PRKD3: variants seen among roughly 807,000 people sequenced by gnomAD.
The protein encoded by PRKD3 is serine/threonine-protein kinase D3.
In PRKD3, 47 loss-of-function variants were observed where a neutral mutation model predicts 99.2. That is an observed-to-expected ratio of 0.47 (90% CI 0.38 to 0.60). PRKD3 has a LOEUF of 0.60. Ranked by LOEUF, PRKD3 falls within the 20% of genes least tolerant of loss-of-function variation. The probability of loss-of-function intolerance (pLI) is 0.00; values close to 1 mark genes in which losing one functional copy is unlikely to be tolerated. For missense variants in PRKD3, 1,019 were observed against 1,088.4 expected (o/e 0.94, Z 0.90); for synonymous variants, 392 against 355.4 (o/e 1.10, Z -1.16).
chr2:37,294,978 G>A (rs1670609780), intron 2 of PRKD3, among the ~76,000 whole-genome samples: 1 of 152,194 alleles, frequency 6.6e-6, no homozygotes, highest in South Asian at 2.1e-4. Flanking sequence ...GGGAGGCTGA[G>A]GCATAAGAAT....
Position 37,253,080 on chromosome 2 carries a change from T to C in PRKD3, c.*97A>G. Reference sequence around the variant, plus strand: ...TTCGTTATCATATTTCTTCATATCTTTGCAGCACTGCAGATGACAATCTAC... The same window carrying C: ...TTCGTTATCATATTTCTTCATATCTCTGCAGCACTGCAGATGACAATCTAC... On this transcript the variant is annotated 3_prime_UTR_variant, in exon 19 of 19. Transcript: ENST00000234179. The C allele has an allele frequency of 9.5e-6, 12 of 1,258,834 alleles. 1 individual carries two copies. Among genetic ancestry groups the C allele is most frequent in the Non-Finnish European group, 1.3e-5 (12 of 910,928 alleles). The allele number at this position is 1,258,834 out of a possible 1,614,324, so 78.0% of individuals were successfully genotyped here.
intron 12 of PRKD3, 33 bp from the exon 13 acceptor site, chr2:37,269,720 T>A: frequency 7.7e-6 from 11 of 1,424,120 alleles, no homozygotes; most frequent in South Asian, 2.3e-5. Flanking sequence ...TAGTATTATT[T>A]ATTTCTATAA....
chr2:37,272,576 C>T, intron 11 of PRKD3, 144 bp from the exon 12 acceptor site: 1 of 1,032,908 alleles, frequency 9.7e-7, no homozygotes, highest in Non-Finnish European at 1.3e-6. Context: ...TCTACACATA[C>T]AACCCATCAA....
At chr2:37,295,958 A>G (rs1380593868) in intron 2 of PRKD3, among the ~76,000 whole-genome samples, 1 of 152,250 alleles carries the variant, frequency 6.6e-6, no homozygotes, top group East Asian at 1.9e-4. Context: ...TATAGCAAGT[A>G]AATGGAAAAA....
intron 2 of PRKD3, among the ~76,000 whole-genome samples, chr2:37,310,918 C>T (rs766829803): frequency 2.0e-5 from 3 of 152,172 alleles, no homozygotes; most frequent in South Asian, 2.1e-4. Context: ...GGCAACTACA[C>T]GTCTGTCCAG....
chr2:37,292,532 C>T (rs1670481189), intron 3 of PRKD3, among the ~76,000 whole-genome samples: 1 of 151,974 alleles, frequency 6.6e-6, no homozygotes, highest in Non-Finnish European at 1.5e-5. Flanking sequence ...ATTTTTAGTA[C>T]AGACGGGGTT....
intron 2 of PRKD3, among the ~76,000 whole-genome samples, chr2:37,312,499 C>G (rs946276637): frequency 6.6e-6 from 1 of 152,178 alleles, no homozygotes; most frequent in Non-Finnish European, 1.5e-5. Context: ...CCTTCTTGTT[C>G]CAGCTCTTAT....
chr2:37,312,771 C>T (rs908158307), intron 2 of PRKD3, among the ~76,000 whole-genome samples: 7 of 152,130 alleles, frequency 4.6e-5, no homozygotes, highest in African/African-American at 1.4e-4. Flanking sequence ...AAAGTGTCTT[C>T]AAACAGAAAC....
At chr2:37,282,088 G>T (rs563764392) in intron 7 of PRKD3, among the ~76,000 whole-genome samples, 1 of 152,064 alleles carries the variant, frequency 6.6e-6, no homozygotes, top group Admixed American at 6.5e-5. Context: ...ATATTTCTGG[G>T]GCAAGTTATT....
rs370830640 is a variant in PRKD3, at chr2:37,264,746, GA to G, written c.1884+2683del. On this transcript the variant is annotated intron_variant, in intron 14 of 18. Transcript: ENST00000234179. Reference sequence around the variant, plus strand: ...AGTCAACATGGCTATTTTTGGGGGGGAAAAAAAAAGACTCAATTTGTTGTGT... The same window carrying G: ...AGTCAACATGGCTATTTTTGGGGGGGAAAAAAAAGACTCAATTTGTTGTGT... Among the ~76,000 whole-genome samples, 1,022 of 149,876 alleles carry G rather than the reference GA, an allele frequency of 6.8e-3. 10 individuals are homozygous for G. Among genetic ancestry groups the G allele is most frequent in the Middle Eastern group, 0.021 (6 of 290 alleles).
chr2:37,306,618 G>A (rs1671179944), intron 2 of PRKD3, among the ~76,000 whole-genome samples: 1 of 152,102 alleles, frequency 6.6e-6, no homozygotes, highest in Admixed American at 6.6e-5. Flanking sequence ...AGACCAGCCT[G>A]GGCAACATGG....
At chr2:37,291,838 G>C (rs1034457128) in intron 3 of PRKD3, among the ~76,000 whole-genome samples, 1 of 152,198 alleles carries the variant, frequency 6.6e-6, no homozygotes, top group African/African-American at 2.4e-5. Context: ...TGGCTGGCCA[G>C]CTTGCTTCCT....
At chr2:37,294,300 G>T (rs981278558) in intron 2 of PRKD3, among the ~76,000 whole-genome samples, 1 of 152,064 alleles carries the variant, frequency 6.6e-6, no homozygotes, top group African/African-American at 2.4e-5. Context: ...CTCGCTGTGT[G>T]GCCCAGGCTG....
chr2:37,271,311 C>A (rs1286057601), intron 12 of PRKD3, among the ~76,000 whole-genome samples: 1 of 152,022 alleles, frequency 6.6e-6, no homozygotes, highest in Non-Finnish European at 1.5e-5. Flanking sequence ...TGGCCCCGAT[C>A]TAAAAATGGT....
intron 12 of PRKD3, among the ~76,000 whole-genome samples, chr2:37,270,389 G>A (rs1174861788): frequency 6.7e-6 from 1 of 149,188 alleles, no homozygotes; most frequent in Non-Finnish European, 1.5e-5. Flanking sequence ...CATATTACTG[G>A]GATTAGCCTA....
chr2:37,315,130 C>T (rs1293452565), intron 2 of PRKD3, among the ~76,000 whole-genome samples: 1 of 152,110 alleles, frequency 6.6e-6, no homozygotes, highest in East Asian at 1.9e-4. Context: ...AGAAAGTTTA[C>T]AATTTGTTTG....
intron 2 of PRKD3, among the ~76,000 whole-genome samples, chr2:37,309,941 A>G (rs188968282): frequency 6.6e-6 from 1 of 152,108 alleles, no homozygotes; most frequent in Non-Finnish European, 1.5e-5. Context: ...TTTCACATGC[A>G]GCCCAAGAAC....
chr2:37,264,660 C>A (rs1668710545), intron 14 of PRKD3, among the ~76,000 whole-genome samples: 1 of 151,920 alleles, frequency 6.6e-6, no homozygotes, highest in Admixed American at 6.6e-5. Flanking sequence ...GCAGAGGAAA[C>A]AGCTAATGCA....
At chr2:37,259,423 C>A (rs1056416624) in intron 16 of PRKD3, among the ~76,000 whole-genome samples, 160 bp downstream of exon 16, 1 of 152,194 alleles carries the variant, frequency 6.6e-6, no homozygotes, top group Admixed American at 6.5e-5. Flanking sequence ...CATCTGAATT[C>A]ATTTAGTTAT....
Sources: gnomAD v4.1 joint callset for allele counts (sites outside exome capture counted in the v4.1 genomes callset) on GRCh38, gnomAD v4.1.1 for gene constraint, MANE v1.5 for transcripts, NCBI Gene and HGNC (gene_info 2026-07-23, HGNC 2026-07-21) for gene names.